Variants in EXOC4 observed in about 807,000 individuals in gnomAD.
EXOC4 encodes exocyst complex component 4.
Under a neutral mutation model 107.2 loss-of-function variants are expected in EXOC4, and 71 were observed. The ratio of observed to expected loss-of-function variants is 0.66; its 90% CI spans 0.55 to 0.81. The LOEUF (loss-of-function observed/expected upper bound fraction) is 0.81. Ranked by LOEUF, EXOC4 falls within the 30% of genes least tolerant of loss-of-function variation. The probability of loss-of-function intolerance (pLI) is 0.00; values close to 1 mark genes in which losing one functional copy is unlikely to be tolerated. For synonymous variants in EXOC4, 456 were observed against 441.2 expected (o/e 1.03, Z -0.42); for missense variants, 1,108 against 1,189.6 (o/e 0.93, Z 1.01).
At chr7:133,528,183 A>T (rs776833457) in intron 9 of EXOC4, among the ~76,000 whole-genome samples, 2 of 152,190 alleles carry the variant, frequency 1.3e-5, no homozygotes, top group Non-Finnish European at 2.9e-5. Context: ...ATGATAGAAC[A>T]CCTCATTGTA....
intron 9 of EXOC4, among the ~76,000 whole-genome samples, chr7:133,497,100 A>C (rs1301352472): frequency 6.6e-6 from 1 of 152,140 alleles, no homozygotes; most frequent in Non-Finnish European, 1.5e-5. Flanking sequence ...AACCAAAAGG[A>C]ACAGAATTCT....
intron 1 of EXOC4, among the ~76,000 whole-genome samples, chr7:133,254,805 A>C (rs1005718273): frequency 6.6e-6 from 1 of 152,166 alleles, no homozygotes; most frequent in African/African-American, 2.4e-5. Flanking sequence ...GGCTGTTTCT[A>C]ATGAAAGTGA....
At chr7:133,913,221 G>A (rs1563054878) in intron 12 of EXOC4, among the ~76,000 whole-genome samples, 1 of 152,214 alleles carries the variant, frequency 6.6e-6, no homozygotes, top group Non-Finnish European at 1.5e-5. Flanking sequence ...ACACAAAGGA[G>A]AAAAGGAATA....
downstream of EXOC4, among the ~76,000 whole-genome samples, chr7:134,069,109 G>A (rs189117300): frequency 1.7e-3 from 259 of 152,134 alleles, no homozygotes; most frequent in Middle Eastern, 0.01. Context: ...CTGACTCTGT[G>A]CACTCTCTTC....
chr7:133,512,477 A>G (rs1193636044), intron 9 of EXOC4, among the ~76,000 whole-genome samples: 1 of 152,042 alleles, frequency 6.6e-6, no homozygotes, highest in Non-Finnish European at 1.5e-5. Flanking sequence ...TAGTCTACAG[A>G]GTCAGAAATC....
intron 7 of EXOC4, among the ~76,000 whole-genome samples, chr7:133,457,285 A>C (rs1798485427): frequency 6.6e-6 from 1 of 152,146 alleles, no homozygotes; most frequent in Non-Finnish European, 1.5e-5. Context: ...AATGGTTGAT[A>C]AGAGGTTGTT....
chr7:133,275,877 A>G (rs1055952404), intron 2 of EXOC4, among the ~76,000 whole-genome samples: 2 of 150,872 alleles, frequency 1.3e-5, no homozygotes, highest in Admixed American at 1.3e-4. Context: ...GCAGTGGTGC[A>G]TCACTGAAGC....
intron 1 of EXOC4, among the ~76,000 whole-genome samples, chr7:133,274,090 T>G (rs1793934816): frequency 6.6e-6 from 1 of 152,240 alleles, no homozygotes; most frequent in Non-Finnish European, 1.5e-5. Context: ...TGAAATATTT[T>G]TAATAAGTAT....
intron 3 of EXOC4, 95 bp from the exon 4 acceptor site, chr7:133,305,782 C>CT (rs5887620): frequency 1 from 1,104,237 of 1,104,396 alleles, 552,039 homozygotes; most frequent in Middle Eastern, 1. Flanking sequence ...CGTAAGCTCC[C>CT]TTTGTTAGTA....
Position 134,031,645 on chromosome 7 carries a change from G to C in EXOC4, c.2687+23810G>C, listed in dbSNP as rs143933459. 2.0e-5 allele frequency among the ~76,000 whole-genome samples: 3 copies of C among 152,158 alleles called. No individual in the cohort carries two copies. In the East Asian group the frequency reaches 5.8e-4, roughly 29 times the overall value. On this transcript the variant is annotated intron_variant, in intron 17 of 17. Transcript: ENST00000253861. Reference sequence around the variant, plus strand: ...TGACACCTCCATCCAGCTGGAAGAAGACTTGCTTATGCTAGAAAAGGAACT... The same window carrying C: ...TGACACCTCCATCCAGCTGGAAGAACACTTGCTTATGCTAGAAAAGGAACT...
intron 1 of EXOC4, among the ~76,000 whole-genome samples, chr7:133,255,007 T>C (rs1350078598): frequency 6.6e-6 from 1 of 152,064 alleles, no homozygotes; most frequent in Non-Finnish European, 1.5e-5. Context: ...TGACCATTCC[T>C]TAATATTCTC....
chr7:133,620,010 T>G (rs868042499), intron 9 of EXOC4, among the ~76,000 whole-genome samples: 18 of 128,140 alleles, frequency 1.4e-4, no homozygotes, highest in South Asian at 1.0e-3. Flanking sequence ...GTGTGTGTGT[T>G]TGTTTTTTTT....
intron 10 of EXOC4, among the ~76,000 whole-genome samples, chr7:133,673,413 G>C (rs764744525): frequency 5.3e-5 from 8 of 152,164 alleles, no homozygotes; most frequent in Non-Finnish European, 1.2e-4. Flanking sequence ...GACTTCAAGT[G>C]TTGAGAGTTA....
intron 10 of EXOC4, among the ~76,000 whole-genome samples, chr7:133,681,897 G>T (rs1794194979): frequency 6.6e-6 from 1 of 151,826 alleles, no homozygotes; most frequent in Non-Finnish European, 1.5e-5. Flanking sequence ...TCCATAATTG[G>T]TAGCCATTAT....
intron 9 of EXOC4, among the ~76,000 whole-genome samples, chr7:133,570,349 G>C (rs974967682): frequency 3.3e-5 from 5 of 152,188 alleles, no homozygotes; most frequent in African/African-American, 1.2e-4. Flanking sequence ...GAAACCTAAA[G>C]AAGTAATTTT....
At chr7:133,360,780 A>G (rs559254422) in intron 6 of EXOC4, among the ~76,000 whole-genome samples, 5 of 152,312 alleles carry the variant, frequency 3.3e-5, no homozygotes, top group Admixed American at 1.3e-4. Context: ...AAAAAATTAA[A>G]TTATTACTCA....
chr7:133,449,551 C>T (rs566288018), intron 7 of EXOC4, among the ~76,000 whole-genome samples: 1 of 152,134 alleles, frequency 6.6e-6, no homozygotes, highest in Non-Finnish European at 1.5e-5. Context: ...TTAGTCTTCT[C>T]ACATTTAGTG....
At chr7:133,648,167 A>ACC (rs1585052894) in intron 10 of EXOC4, among the ~76,000 whole-genome samples, 2 of 152,232 alleles carry the variant, frequency 1.3e-5, no homozygotes, top group East Asian at 3.8e-4. Flanking sequence ...TTTATTTAAA[A>ACC]GAAAATTGAT....
At chr7:133,673,077 C>G (rs576018563) in intron 10 of EXOC4, among the ~76,000 whole-genome samples, 2 of 152,320 alleles carry the variant, frequency 1.3e-5, no homozygotes, top group African/African-American at 4.8e-5. Flanking sequence ...TCACCCCTCC[C>G]CAGTTCTTCC....
Sources: allele counts gnomAD v4.1 joint callset (sites outside exome capture counted in the v4.1 genomes callset), GRCh38; gene constraint gnomAD v4.1.1; transcripts MANE v1.5; gene names NCBI Gene and HGNC (gene_info 2026-07-23, HGNC 2026-07-21).